SEMA4F: variants seen among roughly 807,000 people sequenced by gnomAD.
The protein encoded by SEMA4F is ssemaphorin 4F, also known as semaphorin-4F.
SEMA4F carries 51 observed loss-of-function variants against 78.4 expected under a neutral mutation model. The observed-to-expected ratio is 0.65, with a 90% confidence interval of 0.52 to 0.82. The LOEUF (loss-of-function observed/expected upper bound fraction) is 0.82. Ranked by LOEUF, SEMA4F falls within the 40% of genes least tolerant of loss-of-function variation. SEMA4F has a pLI of 0.00. For missense variants in SEMA4F, 938 were observed against 1,014.4 expected (o/e 0.92, Z 1.02); for synonymous variants, 418 against 408.7 (o/e 1.02, Z -0.27).
At chr2:74,665,659 CTATT>C (rs1463160696) in intron 5 of SEMA4F, among the ~76,000 whole-genome samples, 3 of 152,032 alleles carry the variant, frequency 2.0e-5, no homozygotes, top group African/African-American at 4.8e-5. Context: ...TTATCATTAT[CTATT>C]GTTGAAATTG....
chr2:74,699,985 C>T, the SEMA4F span, among the ~76,000 whole-genome samples: 3 of 151,968 alleles, frequency 2.0e-5, no homozygotes, highest in South Asian at 2.1e-4. Context: ...GGGAGAGACC[C>T]GAGCTTGTTT....
chr2:74,654,659 G>A, intron 1 of SEMA4F, 138 bp downstream of exon 1: 2 of 702,464 alleles, frequency 2.8e-6, no homozygotes, highest in Non-Finnish European at 4.3e-6. Context: ...GCCCCGCCGG[G>A]ACCGGGGCGA....
the SEMA4F span, among the ~76,000 whole-genome samples, chr2:74,696,915 G>T: frequency 6.6e-6 from 1 of 152,142 alleles, no homozygotes; most frequent in Non-Finnish European, 1.5e-5. Flanking sequence ...GGACCCTGGG[G>T]TTATTTCTAA....
chr2:74,671,622 G>C (rs971527470), intron 5 of SEMA4F, among the ~76,000 whole-genome samples: 3 of 152,196 alleles, frequency 2.0e-5, no homozygotes, highest in Admixed American at 2.0e-4. Flanking sequence ...CATGAAGTGT[G>C]ATGACTCCCA....
At chr2:74,685,447 C>T (rs1443938106), downstream of SEMA4F, among the ~76,000 whole-genome samples, 4 of 152,054 alleles carry the variant, frequency 2.6e-5, no homozygotes, top group African/African-American at 4.8e-5. Context: ...ATTCCTAGAA[C>T]TAGGAAAGAT....
At chr2:74,708,747 A>G in the SEMA4F span, among the ~76,000 whole-genome samples, 1 of 152,268 alleles carries the variant, frequency 6.6e-6, no homozygotes, top group African/African-American at 2.4e-5. Context: ...CAATGTTGAG[A>G]TGACACAGAT....
chr2:74,665,206 T>C (rs1684624514), intron 5 of SEMA4F, among the ~76,000 whole-genome samples: 1 of 151,374 alleles, frequency 6.6e-6, no homozygotes, highest in Non-Finnish European at 1.5e-5. Flanking sequence ...TTAAAAGCTA[T>C]ACAAATTAAA....
At chr2:74,673,894 C>T in intron 7 of SEMA4F, 66 bp downstream of exon 7, 3 of 1,528,630 alleles carry the variant, frequency 2.0e-6, no homozygotes, top group Admixed American at 1.9e-5. Flanking sequence ...CTTATCTTTT[C>T]CTCTTTGGGT....
the SEMA4F span, among the ~76,000 whole-genome samples, chr2:74,705,153 C>T: frequency 2.6e-5 from 4 of 152,244 alleles, no homozygotes; most frequent in South Asian, 4.1e-4. Context: ...ACCATTTCCC[C>T]ATGGCAAAGG....
At chr2:74,660,108 A>G (rs941478702) in intron 4 of SEMA4F, among the ~76,000 whole-genome samples, 12 of 152,248 alleles carry the variant, frequency 7.9e-5, no homozygotes, top group Non-Finnish European at 5.9e-5. Flanking sequence ...AAGACTTGGT[A>G]TTAGGTACTT....
Position 74,680,032 on chromosome 2 carries a change from CA to C in SEMA4F, c.2137del (p.Ser713AlafsTer45), listed in dbSNP as rs1396978187. 2 of 1,614,008 alleles carry C rather than the reference CA, an allele frequency of 1.2e-6. No individual in the cohort carries two copies. Among genetic ancestry groups the C allele is most frequent in the Non-Finnish European group, 1.7e-6 (2 of 1,179,960 alleles). ...CTCCACCTTCTGGGACCACAAGCTA[CA>C]GCCAAGACCCTCCCTCCCCCTCTCC... ...GAPPSGTTSY[S>X]QDPPSPSPED... On this transcript the variant is annotated frameshift_variant, in exon 14 of 14. Transcript: ENST00000357877. LOFTEE classifies it high-confidence loss of function.
chr2:74,673,368 G>A (rs205648), intron 5 of SEMA4F, 89 bp from the exon 6 acceptor site: 1,203,111 of 1,524,456 alleles, frequency 0.79, 493,238 homozygotes, highest in Non-Finnish European at 0.85. Context: ...GAGAGTCGCT[G>A]CCCTGCTTTA....
At chr2:74,667,790 C>T (rs1271093831) in intron 5 of SEMA4F, among the ~76,000 whole-genome samples, 1 of 152,150 alleles carries the variant, frequency 6.6e-6, no homozygotes, top group African/African-American at 2.4e-5. Flanking sequence ...TGTTGGAGTT[C>T]CTTAGGCTTC....
At chr2:74,677,435 T>TA (rs199572929) in intron 12 of SEMA4F, among the ~76,000 whole-genome samples, 2 of 151,408 alleles carry the variant, frequency 1.3e-5, no homozygotes, top group Admixed American at 6.6e-5. Flanking sequence ...ACAAGGGCTT[T>TA]AAAAAAAAAC....
downstream of SEMA4F, among the ~76,000 whole-genome samples, chr2:74,688,567 G>A (rs1685864005): frequency 6.6e-6 from 1 of 152,140 alleles, no homozygotes; most frequent in African/African-American, 2.4e-5. Context: ...AGATGATGTA[G>A]CTTAACATTA....
Position 74,657,828 on chromosome 2 carries a change from CT to C in SEMA4F, c.358-22del, listed in dbSNP as rs754021787. On this transcript the variant is annotated intron_variant, in intron 3 of 13. Transcript: ENST00000357877. ...TTCCTCGTACCTGCTGCTTCTGATT[CT>C]TTCTAACCGTCTCTGACCCCCAGGA... is the stretch of plus-strand genomic sequence containing the variant. 6 of 1,604,676 alleles carry C rather than the reference CT, an allele frequency of 3.7e-6. No individual in the cohort carries two copies. The African/African-American group carries it at 5.4e-5, about 14-fold the overall frequency.
intron 1 of SEMA4F, among the ~76,000 whole-genome samples, chr2:74,655,875 G>A (rs1244490581): frequency 1.3e-5 from 2 of 152,172 alleles, no homozygotes; most frequent in Non-Finnish European, 1.5e-5. Context: ...CTGAGCAGAG[G>A]AAGCAGGTAG....
At chr2:74,708,648 T>C in the SEMA4F span, among the ~76,000 whole-genome samples, 2,979 of 151,976 alleles carry the variant, frequency 0.02, 96 homozygotes, top group African/African-American at 0.066. Flanking sequence ...CTTATATAAT[T>C]CCCCCAAAGC....
At chr2:74,657,091 G>C (rs1466623690) in intron 2 of SEMA4F, among the ~76,000 whole-genome samples, 7 of 152,122 alleles carry the variant, frequency 4.6e-5, no homozygotes, top group African/African-American at 1.7e-4. Flanking sequence ...GAAGCTTTTT[G>C]TGTGCCAACA....
Sources: gnomAD v4.1 joint callset for allele counts (sites outside exome capture counted in the v4.1 genomes callset) on GRCh38, gnomAD v4.1.1 for gene constraint, MANE v1.5 for transcripts, NCBI Gene and HGNC (gene_info 2026-07-23, HGNC 2026-07-21) for gene names.